UBE2K: variants seen among roughly 807,000 people sequenced by gnomAD.
UBE2K encodes ubiquitin conjugating enzyme E2 K, also known as ubiquitin-conjugating enzyme E2 K.
Under a neutral mutation model 30.0 loss-of-function variants are expected in UBE2K, and 6 were observed. That is an observed-to-expected ratio of 0.20 (90% CI 0.11 to 0.39). UBE2K has a LOEUF of 0.39. Ranked by LOEUF, UBE2K falls within the 10% of genes least tolerant of loss-of-function variation. The pLI is 1.00. For missense variants in UBE2K, 61 were observed against 241.6 expected (o/e 0.25, Z 4.96); for synonymous variants, 86 against 83.7 (o/e 1.03, Z -0.15).
chr4:39,753,428 T>C (rs139160776), intron 3 of UBE2K, among the ~76,000 whole-genome samples: 12 of 152,338 alleles, frequency 7.9e-5, no homozygotes, highest in African/African-American at 2.9e-4. Context: ...GTATTTGATA[T>C]TTAGCCTTAT....
rs987833948 is a variant in UBE2K at position 39,774,736 on chromosome 4, C to T, written c.300-98C>T. On this transcript the variant is annotated intron_variant, in intron 4 of 6. Transcript: ENST00000261427. ...ATAATTAAGATAAAGATCTAAGTAACTTTTAGCTCTACAATTTTTTAATTT... is the reference window on the plus strand; with the variant it reads ...ATAATTAAGATAAAGATCTAAGTAATTTTTAGCTCTACAATTTTTTAATTT... The T allele has an allele frequency of 1.1e-5, 6 of 538,028 alleles. No individual in the cohort carries two copies. In the African/African-American group the frequency reaches 1.2e-4, roughly 10 times the overall value. The allele number at this position is 538,028 out of a possible 1,614,324, so 33.3% of individuals were successfully genotyped here. A position where few individuals can be genotyped will look rare whatever the true frequency, so the allele number is the denominator to read the frequency against.
intron 4 of UBE2K, chr4:39,761,279 C>CA (rs1711925976): frequency 6.6e-6 from 1 of 152,204 alleles, no homozygotes; most frequent in Non-Finnish European, 1.5e-5. Flanking sequence ...GCCTTGACAA[C>CA]ATAGTGAAAC....
chr4:39,751,661 T>C (rs1013360760), intron 3 of UBE2K, among the ~76,000 whole-genome samples: 3 of 151,620 alleles, frequency 2.0e-5, no homozygotes, highest in African/African-American at 7.3e-5. Flanking sequence ...GGTGACAGAG[T>C]AAGACCCTGT....
chr4:39,758,515 C>G (rs1711643446), intron 4 of UBE2K, among the ~76,000 whole-genome samples: 1 of 151,884 alleles, frequency 6.6e-6, no homozygotes, highest in African/African-American at 2.4e-5. Flanking sequence ...CCATCTCTAC[C>G]AAAAATAAAT....
chr4:39,718,081 C>T (rs901784937), intron 1 of UBE2K, among the ~76,000 whole-genome samples: 1 of 152,094 alleles, frequency 6.6e-6, no homozygotes, highest in Non-Finnish European at 1.5e-5. Flanking sequence ...AGTGGGTTGC[C>T]ACTGCTGGCT....
At chr4:39,760,574 A>T (rs1023736743) in intron 4 of UBE2K, among the ~76,000 whole-genome samples, 12 of 152,186 alleles carry the variant, frequency 7.9e-5, no homozygotes, top group South Asian at 2.1e-4. Flanking sequence ...ATTTTTATGA[A>T]ATTGAAGATG....
chr4:39,710,257 C>CTGATTGATTGAT (rs71194906), intron 1 of UBE2K: 4 of 148,998 alleles, frequency 2.7e-5, no homozygotes, highest in African/African-American at 9.9e-5. Context: ...TGCCTACTGT[C>CTGATTGATTGAT]TGATTGATTG....
In UBE2K at chr4:39,698,234, C is replaced by T; in HGVS notation, c.-94C>T. The T allele has an allele frequency of 7.9e-7, 1 of 1,262,624 alleles. No individual in the cohort carries two copies. Among genetic ancestry groups the T allele is most frequent in the South Asian group, 1.3e-5 (1 of 78,852 alleles). The allele number at this position is 1,262,624 out of a possible 1,614,324, so 78.2% of individuals were successfully genotyped here. On this transcript the variant is annotated 5_prime_UTR_variant, in exon 1 of 7. Coordinates refer to ENST00000261427, the MANE Select transcript of UBE2K (RefSeq NM_005339.5). ...GTTCGTGTGCTCAGGTCTGAATCGC[C>T]GAGGGAGGAGGCGGTGGAGGAAGAG...
intron 1 of UBE2K, among the ~76,000 whole-genome samples, chr4:39,718,596 AG>A (rs1168520512): frequency 2.0e-5 from 3 of 152,210 alleles, no homozygotes; most frequent in Admixed American, 2.0e-4. Context: ...AGCCCACGGC[AG>A]GGGGGCAGGA....
intron 5 of UBE2K, among the ~76,000 whole-genome samples, chr4:39,776,270 T>A (rs1418354157): frequency 6.6e-6 from 1 of 152,208 alleles, no homozygotes; most frequent in Non-Finnish European, 1.5e-5. Flanking sequence ...TATCATTCTG[T>A]CACTATATTT....
chr4:39,713,516 C>T (rs1718834526), intron 1 of UBE2K, among the ~76,000 whole-genome samples: 1 of 139,626 alleles, frequency 7.2e-6, no homozygotes, highest in Non-Finnish European at 1.5e-5. Flanking sequence ...CATTATGTGG[C>T]TTGATTTTTA....
chr4:39,745,668 C>T (rs184756954), intron 2 of UBE2K, 84 bp from the exon 3 acceptor site: 1 of 858,232 alleles, frequency 1.2e-6, no homozygotes, highest in Admixed American at 2.6e-5. Flanking sequence ...TATAAAATAG[C>T]TGCTCTGAAA....
intron 1 of UBE2K, among the ~76,000 whole-genome samples, chr4:39,731,802 A>G (rs1377988502): frequency 6.6e-6 from 1 of 152,234 alleles, no homozygotes; most frequent in Non-Finnish European, 1.5e-5. Flanking sequence ...TATTATTTCC[A>G]ACTAAATTAG....
At chr4:39,745,382 C>T (rs1351084316) in intron 2 of UBE2K, among the ~76,000 whole-genome samples, 1 of 151,470 alleles carries the variant, frequency 6.6e-6, no homozygotes, top group African/African-American at 2.4e-5. Context: ...TTTTCTGACC[C>T]TTTTGTTGTT....
intron 4 of UBE2K, among the ~76,000 whole-genome samples, chr4:39,772,077 T>C (rs940663671): frequency 6.6e-6 from 1 of 152,280 alleles, no homozygotes; most frequent in Admixed American, 6.5e-5. Flanking sequence ...CCTCAAGTGA[T>C]CTGCCTGCCT....
chr4:39,731,189 G>A (rs897684907), intron 1 of UBE2K, among the ~76,000 whole-genome samples: 2 of 151,530 alleles, frequency 1.3e-5, no homozygotes, highest in Non-Finnish European at 2.9e-5. Context: ...CACGGCGCCC[G>A]GCCATCTTGT....
intron 2 of UBE2K, among the ~76,000 whole-genome samples, chr4:39,738,573 G>C (rs1720501638): frequency 6.6e-6 from 1 of 152,136 alleles, no homozygotes; most frequent in African/African-American, 2.4e-5. Flanking sequence ...TTATAAATTT[G>C]AATTCCTAGG....
At chr4:39,720,680 A>G (rs1719371143) in intron 1 of UBE2K, among the ~76,000 whole-genome samples, 2 of 152,240 alleles carry the variant, frequency 1.3e-5, no homozygotes, top group African/African-American at 4.8e-5. Flanking sequence ...GTATACGTAT[A>G]GATAGTTAAT....
At chr4:39,777,104 A>G (rs966963073) in intron 5 of UBE2K, among the ~76,000 whole-genome samples, 3 of 152,198 alleles carry the variant, frequency 2.0e-5, no homozygotes, top group South Asian at 2.1e-4. Flanking sequence ...CCTCTTTCCA[A>G]TGCATATGGG....
Sources: gnomAD v4.1 joint callset for allele counts (sites outside exome capture counted in the v4.1 genomes callset) on GRCh38, gnomAD v4.1.1 for gene constraint, MANE v1.5 for transcripts, NCBI Gene and HGNC (gene_info 2026-07-23, HGNC 2026-07-21) for gene names.